The following THSD7B variants were observed in gnomAD, a reference collection of about 807,000 sequenced individuals.
The protein encoded by THSD7B is thrombospondin type 1 domain containing 7B, also known as thrombospondin type-1 domain-containing protein 7B.
THSD7B carries 138 observed loss-of-function variants against 213.6 expected under a neutral mutation model. That is an observed-to-expected ratio of 0.65 (90% CI 0.56 to 0.74). The LOEUF is 0.74. Among genes scored for constraint, THSD7B ranks in the 30% least tolerant of loss-of-function variants. THSD7B has a pLI of 0.00. For synonymous variants in THSD7B, 742 were observed against 687.0 expected, an observed-to-expected ratio of 1.08 and a Z score of -1.25; for missense variants, 1,931 against 1,991.5, an observed-to-expected ratio of 0.97 and a Z score of 0.58.
At chr2:137,476,846 A>T (rs1326521274) in intron 15 of THSD7B, among the ~76,000 whole-genome samples, 1 of 152,238 alleles carries the variant, frequency 6.6e-6, no homozygotes, top group East Asian at 1.9e-4. Context: ...AGCCATGATT[A>T]TTACTTTTAT....
At chr2:137,042,933 G>C (rs1379760051) in intron 2 of THSD7B, among the ~76,000 whole-genome samples, 2 of 152,190 alleles carry the variant, frequency 1.3e-5, no homozygotes, top group African/African-American at 4.8e-5. Flanking sequence ...TAATGCAGGG[G>C]CTAAAAAGAG....
intron 5 of THSD7B, among the ~76,000 whole-genome samples, chr2:137,143,138 A>G (rs1679626326): frequency 6.6e-6 from 1 of 152,178 alleles, no homozygotes; most frequent in African/African-American, 2.4e-5. Flanking sequence ...ATTCACAATT[A>G]TGCCCTGGCT....
Position 137,283,212 on chromosome 2 carries a change from A to G in THSD7B, c.2500+7186A>G, listed in dbSNP as rs958210249. Among the ~76,000 whole-genome samples, 21 of 152,078 alleles carry G rather than the reference A, an allele frequency of 1.4e-4. 1 individual carries two copies. The highest frequency in any genetic ancestry group is 6.2e-4 in the South Asian group (3 of 4,812). ...TCATGATTTGGCTCTCTGTTTGTCT[A>G]TTATTGGTGTATAAGAATGCTTGTG... On this transcript the variant is annotated intron_variant, in intron 12 of 27. Coordinates refer to ENST00000409968, the MANE Select transcript of THSD7B (RefSeq NM_001316349.2).
chr2:137,673,138 G>GGCTT (rs1683615392), intron 27 of THSD7B, among the ~76,000 whole-genome samples: 1 of 152,192 alleles, frequency 6.6e-6, no homozygotes, highest in South Asian at 2.1e-4. Flanking sequence ...AATCTCTCCT[G>GGCTT]GCTTGAGAAT....
intron 14 of THSD7B, among the ~76,000 whole-genome samples, chr2:137,419,375 C>CTTTTTTTTTTTTTTTTTTTTTTTTTTT (rs1558791227): frequency 2.1e-5 from 2 of 96,090 alleles, no homozygotes; most frequent in Admixed American, 1.2e-4. Context: ...GTCCTGAGTT[C>CTTTTTTTTTTTTTTTTTTTTTTTTTTT]TTGTCCCACA....
At chr2:137,593,678 T>G (rs1042516982) in intron 17 of THSD7B, among the ~76,000 whole-genome samples, 3 of 152,028 alleles carry the variant, frequency 2.0e-5, no homozygotes, top group Non-Finnish European at 4.4e-5. Flanking sequence ...GTAAGTCGTC[T>G]GTCAGATGTA....
chr2:137,621,337 G>T lies in THSD7B; in HGVS notation c.3799+611G>T, dbSNP rs1573748153. On this transcript the variant is annotated intron_variant, in intron 20 of 27. Transcript: ENST00000409968. ...CAACTCATTGGAAGATGGCAGGGAA[G>T]GAAATGTACTTTCTGGGTAGTCAGT... Among the ~76,000 whole-genome samples, 3 of 152,144 alleles carry T rather than the reference G, an allele frequency of 2.0e-5. No homozygotes were observed. In the East Asian group the frequency reaches 5.8e-4, roughly 29 times the overall value.
chr2:136,865,436 G>A (rs16837192), intron 1 of THSD7B, among the ~76,000 whole-genome samples: 21,716 of 152,206 alleles, frequency 0.14, 1,936 homozygotes, highest in East Asian at 0.39. Flanking sequence ...GGGCTGCTTG[G>A]TGGGACATTG....
At chr2:136,941,511 G>A (rs1684826724) in intron 2 of THSD7B, among the ~76,000 whole-genome samples, 1 of 152,168 alleles carries the variant, frequency 6.6e-6, no homozygotes, top group Non-Finnish European at 1.5e-5. Context: ...ATCCTCTCCA[G>A]CATCTGTTGT....
chr2:137,221,482 G>T (rs768313071), intron 7 of THSD7B, among the ~76,000 whole-genome samples: 6 of 152,028 alleles, frequency 3.9e-5, no homozygotes, highest in Non-Finnish European at 8.8e-5. Flanking sequence ...TTTATTGAAT[G>T]TACATTAAAA....
At chr2:137,375,360 G>A (rs1364384508) in intron 12 of THSD7B, among the ~76,000 whole-genome samples, 1 of 152,106 alleles carries the variant, frequency 6.6e-6, no homozygotes, top group Non-Finnish European at 1.5e-5. Context: ...CTTCACATAA[G>A]CACAACATTG....
intron 7 of THSD7B, among the ~76,000 whole-genome samples, chr2:137,202,999 T>G (rs1680910317): frequency 6.6e-6 from 1 of 151,462 alleles, no homozygotes; most frequent in Non-Finnish European, 1.5e-5. Context: ...AAATAAGAGA[T>G]GGATAGAAGG....
chr2:136,914,743 C>CTGTAAGTTACACATG (rs1167816957), intron 2 of THSD7B, among the ~76,000 whole-genome samples: 2 of 152,186 alleles, frequency 1.3e-5, no homozygotes, highest in Non-Finnish European at 2.9e-5. Context: ...CCATGTGTAA[C>CTGTAAGTTACACATG]TGTAAGTCCA....
chr2:136,965,493 C>G (rs1252602528), intron 2 of THSD7B, among the ~76,000 whole-genome samples: 3 of 152,182 alleles, frequency 2.0e-5, no homozygotes, highest in Non-Finnish European at 4.4e-5. Flanking sequence ...GGAAAGTGTT[C>G]TGGGTAGTGG....
intron 5 of THSD7B, among the ~76,000 whole-genome samples, chr2:137,127,774 C>T (rs1265117471): frequency 6.6e-6 from 1 of 151,944 alleles, no homozygotes; most frequent in South Asian, 2.1e-4. Flanking sequence ...GAAAATTAGC[C>T]AGGCGTGGTG....
intron 3 of THSD7B, among the ~76,000 whole-genome samples, chr2:137,064,824 G>A (rs1270733631): frequency 6.6e-6 from 1 of 151,926 alleles, no homozygotes; most frequent in Non-Finnish European, 1.5e-5. Flanking sequence ...GTAGATGTAT[G>A]GGTTTATTTC....
chr2:137,013,595 G>A (rs897328636), intron 2 of THSD7B, among the ~76,000 whole-genome samples: 3 of 152,182 alleles, frequency 2.0e-5, no homozygotes, highest in African/African-American at 7.2e-5. Context: ...AGCATTTTCT[G>A]TACTAGCTAT....
In THSD7B at chr2:137,676,550, C is replaced by T; in HGVS notation, c.4766C>T (p.Thr1589Ile). 6.3e-7 allele frequency: 1 copy of T among 1,598,064 alleles called. No individual in the cohort carries two copies. The highest frequency in any genetic ancestry group is 8.5e-7 in the Non-Finnish European group (1 of 1,172,932). ...VCKKPKPHQSTPPQQKPLTLA... is the reference protein window; with the variant it reads ...VCKKPKPHQSIPPQQKPLTLA... ...AAGAAGCCAAAACCACATCAAAGCACACCTCCCCAACAGAAGCCTCTGACC... is the reference window on the plus strand; with the variant it reads ...AAGAAGCCAAAACCACATCAAAGCATACCTCCCCAACAGAAGCCTCTGACC... The change falls in exon 28 of 28, where the codon ACA becomes ATA. Residue 1589 changes from threonine (T) to isoleucine (I), a missense_variant. Thr to Ile is a moderately conservative substitution (Grantham distance 89, BLOSUM62 -1). Coordinates refer to ENST00000409968, the MANE Select transcript of THSD7B (RefSeq NM_001316349.2).
intron 15 of THSD7B, among the ~76,000 whole-genome samples, chr2:137,540,280 C>A (rs919951087): frequency 5.9e-5 from 9 of 151,712 alleles, no homozygotes; most frequent in Admixed American, 5.9e-4. Context: ...ATAAAAGCAG[C>A]AAGAACCACT....
Sources: gnomAD v4.1 joint callset for allele counts (sites outside exome capture counted in the v4.1 genomes callset) on GRCh38, gnomAD v4.1.1 for gene constraint, MANE v1.5 for transcripts, NCBI Gene and HGNC (gene_info 2026-07-23, HGNC 2026-07-21) for gene names.